Variants in RNFT2 observed in about 807,000 individuals in gnomAD.
RNFT2 encodes the protein ring finger protein, transmembrane 2.
Under a neutral mutation model 53.0 loss-of-function variants are expected in RNFT2, and 36 were observed. The ratio of observed to expected loss-of-function variants is 0.68; its 90% confidence interval spans 0.52 to 0.90. The LOEUF is 0.90. Among genes scored for constraint, RNFT2 ranks in the 40% least tolerant of loss-of-function variants. The pLI, the probability that RNFT2 is intolerant of heterozygous loss-of-function variation, is 0.00. For missense variants in RNFT2, 514 were observed against 585.6 expected (o/e 0.88, Z 1.26); for synonymous variants, 260 against 253.2 (o/e 1.03, Z -0.26).
At chr12:116,767,565 T>C (rs1872973873) in intron 6 of RNFT2, among the ~76,000 whole-genome samples, 1 of 151,620 alleles carries the variant, frequency 6.6e-6, no homozygotes, top group South Asian at 2.1e-4. Context: ...ATAAAAATTA[T>C]GTTTTTTTTT....
chr12:116,766,713 A>G, intron 5 of RNFT2, 101 bp from the exon 6 acceptor site: 1 of 898,672 alleles, frequency 1.1e-6, no homozygotes, highest in East Asian at 2.7e-5. Context: ...CACTTCCTTC[A>G]AAATGTTGAC....
intron 5 of RNFT2, among the ~76,000 whole-genome samples, chr12:116,761,940 G>A (rs1243733129): frequency 1.3e-5 from 2 of 151,724 alleles, no homozygotes; most frequent in African/African-American, 4.8e-5. Flanking sequence ...GGTGGCTCAC[G>A]CCTGTAATCC....
At position 116,846,946 on chromosome 12, in the gene RNFT2, T is replaced by C. The variant is rs7978257; in HGVS notation, c.1201-2368T>C. Among the ~76,000 whole-genome samples, 636 of 147,618 alleles carry C rather than the reference T, an allele frequency of 4.3e-3. 6 individuals are homozygous for C. Among genetic ancestry groups the C allele is most frequent in the African/African-American group, 0.015 (611 of 39,906 alleles). On this transcript the variant is annotated intron_variant, in intron 10 of 10. Coordinates refer to ENST00000257575, the MANE Select transcript of RNFT2 (RefSeq NM_001382266.1). ...TTGAGATGGAATCTAGCTCACTCTG[T>C]TGCCCAGGCTGGAGTGCAGTGGCGC...
At chr12:116,754,660 A>T (rs1438457087) in intron 5 of RNFT2, among the ~76,000 whole-genome samples, 1 of 151,868 alleles carries the variant, frequency 6.6e-6, no homozygotes, top group Non-Finnish European at 1.5e-5. Flanking sequence ...TTGTTTTTTG[A>T]CTTTTTGATT....
chr12:116,823,264 C>G lies in RNFT2; in HGVS notation c.883-10528C>G, dbSNP rs188331619. ...GAGCTGGGTCAACACCCCCATCACACAGAACACTGAGGCCCAGAGAGGGAG... is the reference window on the plus strand; with the variant it reads ...GAGCTGGGTCAACACCCCCATCACAGAGAACACTGAGGCCCAGAGAGGGAG... On this transcript the variant is annotated intron_variant, in intron 7 of 10. Coordinates refer to ENST00000257575, the MANE Select transcript of RNFT2 (RefSeq NM_001382266.1). 8.1e-4 allele frequency among the ~76,000 whole-genome samples: 123 copies of G among 152,324 alleles called. 1 individual carries two copies. The East Asian group carries it at 0.021, about 26-fold the overall frequency.
At chr12:116,837,357 G>A (rs907689522) in intron 10 of RNFT2, among the ~76,000 whole-genome samples, 8 of 152,054 alleles carry the variant, frequency 5.3e-5, no homozygotes, top group Non-Finnish European at 7.4e-5. Flanking sequence ...GATAAGTGCC[G>A]TGTAAGAGAG....
intron 7 of RNFT2, among the ~76,000 whole-genome samples, chr12:116,821,542 C>T (rs1414107694): frequency 2.0e-5 from 3 of 152,234 alleles, no homozygotes; most frequent in Non-Finnish European, 1.5e-5. Flanking sequence ...TCCTGGCCGC[C>T]CACTTGGGAG....
At chr12:116,799,752 G>A (rs1001214695) in intron 7 of RNFT2, among the ~76,000 whole-genome samples, 5 of 151,790 alleles carry the variant, frequency 3.3e-5, no homozygotes, top group African/African-American at 1.2e-4. Flanking sequence ...AGGTCACCTC[G>A]TGTCTACTAA....
chr12:116,752,319 GC>G (rs1872288681), intron 4 of RNFT2, among the ~76,000 whole-genome samples: 2 of 152,090 alleles, frequency 1.3e-5, no homozygotes, highest in Admixed American at 1.3e-4. Context: ...TGCCCTATCA[GC>G]CCCACCCTTT....
Position 116,849,850 on chromosome 12 carries a change from T to TCC in RNFT2, c.*402_*403insCC. The TCC allele has an allele frequency of 2.3e-5, 6 of 263,008 alleles. No homozygotes were observed. Among genetic ancestry groups the TCC allele is most frequent in the Non-Finnish European group, 3.3e-5 (6 of 180,796 alleles). 16.3% of individuals were successfully genotyped at this position (263,008 alleles called of 1,614,324 possible). A position where few individuals can be genotyped will look rare whatever the true frequency, so the allele number is the denominator to read the frequency against. On this transcript the variant is annotated 3_prime_UTR_variant, in exon 11 of 11. Transcript: ENST00000257575. ...CCTCCTTCCTTCCTTCCTTCCTTTTTTTTTTTTTTTTAAAACAAGGTCTCG... is the reference window on the plus strand; with the variant it reads ...CCTCCTTCCTTCCTTCCTTCCTTTTTCCTTTTTTTTTTTAAAACAAGGTCTCG...
At chr12:116,813,803 A>G (rs1474893897) in intron 7 of RNFT2, among the ~76,000 whole-genome samples, 1 of 152,200 alleles carries the variant, frequency 6.6e-6, no homozygotes, top group Non-Finnish European at 1.5e-5. Flanking sequence ...GGAAGGGTCT[A>G]CCAGACTTGG....
chr12:116,791,695 G>A (rs1301344163), intron 7 of RNFT2, among the ~76,000 whole-genome samples: 1 of 152,206 alleles, frequency 6.6e-6, no homozygotes, highest in Non-Finnish European at 1.5e-5. Context: ...TGGACATCTA[G>A]GCTGTTTTTG....
chr12:116,806,561 C>A (rs1019656300), intron 7 of RNFT2, among the ~76,000 whole-genome samples: 1 of 151,766 alleles, frequency 6.6e-6, no homozygotes, highest in South Asian at 2.1e-4. Context: ...GCCTGGGCAA[C>A]ATAGTGAGAC....
At chr12:116,773,932 C>T (rs1029345642) in intron 6 of RNFT2, among the ~76,000 whole-genome samples, 9 of 152,130 alleles carry the variant, frequency 5.9e-5, no homozygotes, top group South Asian at 4.1e-4. Flanking sequence ...AAACACCCTG[C>T]GGTATGTACA....
chr12:116,842,089 G>A (rs762971761), intron 10 of RNFT2, among the ~76,000 whole-genome samples: 1 of 150,218 alleles, frequency 6.7e-6, no homozygotes, highest in Admixed American at 6.7e-5. Flanking sequence ...GCTCAACTTG[G>A]GGAGGAGCTG....
rs1485405317 is a variant in RNFT2 at position 116,852,705 on chromosome 12, G to A, written c.*3257G>A. On this transcript the variant is annotated 3_prime_UTR_variant, in exon 11 of 11. Transcript: ENST00000257575. The stretch of plus-strand genomic sequence containing the variant: ...CTGGAGAAGATTGATGAAAGTGCAG[G>A]TGTGTAAGGAAATAGAACAGTCTGC... 1 of 1,613,880 alleles carries A rather than the reference G, an allele frequency of 6.2e-7. No homozygotes were observed. The highest frequency in any genetic ancestry group is 1.7e-5 in the Admixed American group (1 of 60,030).
intron 7 of RNFT2, among the ~76,000 whole-genome samples, chr12:116,780,683 A>AAAG (rs1223309302): frequency 2.6e-5 from 4 of 152,034 alleles, no homozygotes; most frequent in African/African-American, 9.7e-5. Context: ...AAAAAAAAAA[A>AAAG]AGAGATGTGG....
intron 7 of RNFT2, among the ~76,000 whole-genome samples, chr12:116,793,268 G>A (rs561874513): frequency 1.5e-4 from 22 of 147,540 alleles, no homozygotes; most frequent in Non-Finnish European, 2.5e-4. Flanking sequence ...GTGCAGTGGC[G>A]TGATCTCAGC....
chr12:116,844,912 G>A (rs529814049), intron 10 of RNFT2, among the ~76,000 whole-genome samples: 3 of 152,100 alleles, frequency 2.0e-5, no homozygotes, highest in South Asian at 2.1e-4. Context: ...AGCAAGAACC[G>A]TACTCAGCAT....
Sources: gnomAD v4.1 joint callset for allele counts (sites outside exome capture counted in the v4.1 genomes callset) on GRCh38, gnomAD v4.1.1 for gene constraint, MANE v1.5 for transcripts, NCBI Gene and HGNC (gene_info 2026-07-23, HGNC 2026-07-21) for gene names.